MIIP: variants seen among roughly 807,000 people sequenced by gnomAD.
MIIP encodes the protein migration and invasion-inhibitory protein.
In MIIP, 44 loss-of-function variants were observed where a neutral mutation model predicts 44.8. The ratio of observed to expected loss-of-function variants is 0.98; its 90% CI spans 0.77 to 1.26. The LOEUF is 1.26. Ranked by LOEUF, MIIP falls within the 50% of genes most tolerant of loss-of-function variation. The probability of loss-of-function intolerance (pLI) is 0.00; values close to 1 mark genes in which losing one functional copy is unlikely to be tolerated. For missense variants in MIIP, 496 were observed against 511.7 expected (o/e 0.97, Z 0.30); for synonymous variants, 225 against 218.3 (o/e 1.03, Z -0.27).
rs766872947 is a variant in MIIP at position 12,029,048 on chromosome 1, G to C, written c.563G>C (p.Ser188Thr). ...CCCACACCAGGGTCTCTGGACACCAGCTCTTCCATCACCAGCCAGCCTGAG... is the reference window on the plus strand; with the variant it reads ...CCCACACCAGGGTCTCTGGACACCACCTCTTCCATCACCAGCCAGCCTGAG... ...YDWIAGSLDT[S>T]SSITSQPEAF... Residue 188 changes from serine to threonine, a missense_variant, in exon 5 of 10, where the codon AGC (serine) becomes ACC (threonine). Physicochemically the swap from Ser to Thr is moderately conservative, Grantham distance 58. Transcript: ENST00000235332. 7.4e-6 allele frequency: 12 copies of C among 1,614,088 alleles called. No individual in the cohort carries two copies. The Admixed American group carries it at 1.2e-4, about 16-fold the overall frequency.
chr1:12,031,199 G>A (rs1036991731), intron 8 of MIIP, 67 bp from the exon 9 acceptor site: 7 of 1,541,690 alleles, frequency 4.5e-6, no homozygotes, highest in East Asian at 2.3e-5. Context: ...CCTCCCTGAT[G>A]GGGGTGTGCC....
At chr1:12,024,423 T>A (rs1388908387) in intron 4 of MIIP, among the ~76,000 whole-genome samples, 3 of 152,062 alleles carry the variant, frequency 2.0e-5, no homozygotes, top group East Asian at 3.9e-4. Flanking sequence ...CACTTTAGCA[T>A]TTTTTTTGAG....
At chr1:12,021,908 T>C in intron 2 of MIIP, 68 bp downstream of exon 2, 1 of 1,383,544 alleles carries the variant, frequency 7.2e-7, no homozygotes, top group South Asian at 1.4e-5. Context: ...TCCAGGCTTC[T>C]GGGCTCATCT....
Position 12,030,091 on chromosome 1 carries a change from C to T in MIIP, c.909C>T (p.Ser303=). Residue 303 remains serine (S), a synonymous_variant, in exon 8 of 10, where the codon AGC becomes AGT. Coordinates refer to ENST00000235332, the MANE Select transcript of MIIP (RefSeq NM_021933.4). ...PHRYHIHRRK[S]FDASDTLALP... is the part of the protein sequence containing the mutation. ...GGTACCACATCCACCGGCGAAAGAG[C>T]TTTGACGCCTCTGACACACTGGCCC... 1 of 1,613,248 alleles carries T rather than the reference C, an allele frequency of 6.2e-7. No individual in the cohort carries two copies. The highest frequency in any genetic ancestry group is 8.5e-7 in the Non-Finnish European group (1 of 1,179,964).
Position 12,031,331 on chromosome 1 carries a change from G to A in MIIP, c.1008G>A (p.Leu336=), listed in dbSNP as rs1239781805. ...KSEKSSAPRN[L]DLWSSVSAEA... The stretch of plus-strand genomic sequence containing the variant: ...AGAAAAGCTCAGCCCCCAGGAACCT[G>A]GACCTCTGGTCCTCTGTCTCCGCTG... The change falls in exon 9 of 10, where the codon CTG becomes CTA. Residue 336 remains leucine, a synonymous_variant. Coordinates refer to ENST00000235332, the MANE Select transcript of MIIP (RefSeq NM_021933.4). The A allele has an allele frequency of 9.9e-6, 16 of 1,613,856 alleles. No homozygotes were observed. Among genetic ancestry groups the A allele is most frequent in the Non-Finnish European group, 1.4e-5 (16 of 1,179,938 alleles).
chr1:12,029,437 GC>G, intron 6 of MIIP, 156 bp downstream of exon 6: 1 of 879,158 alleles, frequency 1.1e-6, no homozygotes, highest in Non-Finnish European at 1.7e-6. Flanking sequence ...GGACAGGGTG[GC>G]CAAGCCCTGG....
rs1557554135 is a variant in MIIP, at chr1:12,029,817, C to CG, written c.770dup (p.Thr258TyrfsTer48). ...GCCTGTTCCCGGTGCCTGTGGATCCCGGTACCCCCTGCCGCCTGTGCAGGA... is the reference window on the plus strand; with the variant it reads ...GCCTGTTCCCGGTGCCTGTGGATCCCGGGTACCCCCTGCCGCCTGTGCAGGA... On this transcript the variant is annotated frameshift_variant, in exon 7 of 10. Transcript: ENST00000235332. LOFTEE classifies it high-confidence loss of function. 2 of 1,613,216 alleles carry CG rather than the reference C, an allele frequency of 1.2e-6. No individual in the cohort carries two copies. The highest frequency in any genetic ancestry group is 3.3e-5 in the Admixed American group (2 of 59,934).
At chr1:12,022,666 TA>T (rs1640008390) in intron 3 of MIIP, among the ~76,000 whole-genome samples, 166 bp from the exon 4 acceptor site, 2 of 152,174 alleles carry the variant, frequency 1.3e-5, no homozygotes, top group Admixed American at 1.3e-4. Context: ...CAGCCACACA[TA>T]AAGTGGGGCC....
At chr1:12,020,062 G>C (rs1185947832) in intron 1 of MIIP, among the ~76,000 whole-genome samples, 1 of 152,228 alleles carries the variant, frequency 6.6e-6, no homozygotes, top group African/African-American at 2.4e-5. Flanking sequence ...CCTTGGAGGT[G>C]GGGGGCAAGG....
At position 12,031,981 on chromosome 1, in the gene MIIP, C is replaced by CCTGG; in HGVS notation, c.*174_*177dup. 1.6e-6 allele frequency: 1 copy of CCTGG among 639,422 alleles called. No individual in the cohort carries two copies. The highest frequency in any genetic ancestry group is 2.7e-6 in the Non-Finnish European group (1 of 367,508). 39.6% of individuals were successfully genotyped at this position (639,422 alleles called of 1,614,324 possible). A position where few individuals can be genotyped will look rare whatever the true frequency, so the allele number is the denominator to read the frequency against. On this transcript the variant is annotated 3_prime_UTR_variant, in exon 10 of 10. Transcript: ENST00000235332. Reference sequence around the variant, plus strand: ...TGCCTGAGTTCCAGAGAGGGAGGACCCTGGGGTGGAGGGTGAGGGATTCTG... The same window carrying CCTGG: ...TGCCTGAGTTCCAGAGAGGGAGGACCCTGGCTGGGGTGGAGGGTGAGGGATTCTG...
chr1:12,030,330 G>T (rs1275014348), intron 8 of MIIP, among the ~76,000 whole-genome samples: 1 of 152,128 alleles, frequency 6.6e-6, no homozygotes, highest in East Asian at 1.9e-4. Flanking sequence ...TGCTTCCAGG[G>T]TGATCTGCCT....
Position 12,025,195 on chromosome 1 carries a change from T to G in MIIP, c.547+2278T>G, listed in dbSNP as rs138671559. Among the ~76,000 whole-genome samples the G allele has an allele frequency of 3.7e-3, 562 of 151,566 alleles. 7 individuals are homozygous for G. In the East Asian group the frequency reaches 0.041, roughly 11 times the overall value. Reference sequence around the variant, plus strand: ...GTGCCTCAGCCTCCCGAGTAGCAGGTATTACAGGTGTGCGCCACCACACCC... The same window carrying G: ...GTGCCTCAGCCTCCCGAGTAGCAGGGATTACAGGTGTGCGCCACCACACCC... On this transcript the variant is annotated intron_variant, in intron 4 of 9. Coordinates refer to ENST00000235332, the MANE Select transcript of MIIP (RefSeq NM_021933.4).
intron 4 of MIIP, 142 bp downstream of exon 4, chr1:12,023,059 C>CTTTTT (rs869060053): frequency 9.6e-5 from 34 of 353,256 alleles, no homozygotes; most frequent in African/African-American, 2.7e-4. Flanking sequence ...GGAGCACCCT[C>CTTTTT]TTTTTTTTTT....
intron 4 of MIIP, among the ~76,000 whole-genome samples, chr1:12,027,036 C>T (rs1290499289): frequency 2.3e-5 from 3 of 130,220 alleles, no homozygotes; most frequent in Admixed American, 8.5e-5. Context: ...GATGGAGTCT[C>T]GTTCTTTCAC....
rs375651678 is a variant in MIIP at position 12,031,983 on chromosome 1, TG to T, written c.*179del. 113 of 633,526 alleles carry T rather than the reference TG, an allele frequency of 1.8e-4. 1 individual carries two copies. The highest frequency in any genetic ancestry group is 1.3e-3 in the African/African-American group (71 of 54,412). 39.2% of individuals were successfully genotyped at this position (633,526 alleles called of 1,614,324 possible). On this transcript the variant is annotated 3_prime_UTR_variant, in exon 10 of 10. Transcript: ENST00000235332. ...CCTGAGTTCCAGAGAGGGAGGACCC[TG>T]GGGTGGAGGGTGAGGGATTCTGTGG...
chr1:12,022,447 C>CGTG lies in MIIP; in HGVS notation c.462+7_462+9dup, dbSNP rs762507946. 8 of 1,520,632 alleles carry CGTG rather than the reference C, an allele frequency of 5.3e-6. No individual in the cohort carries two copies. The allele number at this position is 1,520,632 out of a possible 1,614,324, so 94.2% of individuals were successfully genotyped here. The stretch of plus-strand genomic sequence containing the variant: ...CAACAGAGCAAGCTGTCCAAGGTAA[C>CGTG]GTGGGAGAGCGGGACATCTGCTGAT... On this transcript the variant is annotated splice_donor_region_variant and intron_variant, in intron 3 of 9. Transcript: ENST00000235332.
At position 12,022,080 on chromosome 1, in the gene MIIP, G is replaced by C. The variant is rs550879258; in HGVS notation, c.115-15G>C. 4.3e-5 allele frequency: 70 copies of C among 1,609,510 alleles called. No homozygotes were observed. Among genetic ancestry groups the C allele is most frequent in the Non-Finnish European group, 5.7e-5 (67 of 1,177,720 alleles). ...CTGGCAGCCACTCCCTGGGTGACCC[G>C]GCCCCTCTCTCCAGTCAAGCCTGGA... On this transcript the variant is annotated splice_polypyrimidine_tract_variant and intron_variant, in intron 2 of 9. Coordinates refer to ENST00000235332, the MANE Select transcript of MIIP (RefSeq NM_021933.4).
chr1:12,023,513 C>G (rs1000364491), intron 4 of MIIP, among the ~76,000 whole-genome samples: 1 of 151,532 alleles, frequency 6.6e-6, no homozygotes, highest in Non-Finnish European at 1.5e-5. Flanking sequence ...ATACCATTCT[C>G]CTGCCTCAGC....
intron 9 of MIIP, 45 bp from the exon 10 acceptor site, chr1:12,031,677 T>A: frequency 6.2e-7 from 1 of 1,613,822 alleles, no homozygotes; most frequent in Non-Finnish European, 8.5e-7. Flanking sequence ...GGATGACCTG[T>A]CCCTTTCAAG....
Sources: gnomAD v4.1 joint callset for allele counts (sites outside exome capture counted in the v4.1 genomes callset) on GRCh38, gnomAD v4.1.1 for gene constraint, MANE v1.5 for transcripts, NCBI Gene and HGNC (gene_info 2026-07-23, HGNC 2026-07-21) for gene names.